COL4A2: variants seen among roughly 807,000 people sequenced by gnomAD.
COL4A2 encodes collagen type IV alpha 2 chain.
COL4A2 carries 99 observed loss-of-function variants against 200.2 expected under a neutral mutation model. The observed-to-expected ratio is 0.49, with a 90% CI of 0.42 to 0.58. COL4A2 has a LOEUF of 0.58. Ranked by LOEUF, COL4A2 falls within the 20% of genes least tolerant of loss-of-function variation. The pLI is 0.00. For synonymous variants in COL4A2, 897 were observed against 900.6 expected, an observed-to-expected ratio of 1.00 and a Z score of 0.07; for missense variants, 1,950 against 2,314.1, an observed-to-expected ratio of 0.84 and a Z score of 3.23.
chr13:110,462,409 C>T, intron 24 of COL4A2, 25 bp downstream of exon 24: 3 of 1,607,602 alleles, frequency 1.9e-6, no homozygotes, highest in Non-Finnish European at 1.7e-6. Context: ...ACTGCGGCAG[C>T]TCCGTCCTCT....
intron 15 of COL4A2, among the ~76,000 whole-genome samples, chr13:110,439,295 A>G (rs532426781): frequency 2.0e-5 from 3 of 152,358 alleles, no homozygotes; most frequent in Admixed American, 2.0e-4. Context: ...CGTATTTTAC[A>G]TTCTCCAAAA....
rs1594170384 is a variant in COL4A2, at chr13:110,363,180, A to C, written c.180+5628A>C. On this transcript the variant is annotated intron_variant, in intron 4 of 47. Coordinates refer to ENST00000360467, the MANE Select transcript of COL4A2 (RefSeq NM_001846.4). ...ACGAGTGAGTGGAGGCCTCTGCATC[A>C]CTCAGCATGCATCCAGGCGGTACCC... Among the ~76,000 whole-genome samples, 3 of 152,142 alleles carry C rather than the reference A, an allele frequency of 2.0e-5. No individual in the cohort carries two copies. In the South Asian group the frequency reaches 6.2e-4, roughly 32 times the overall value.
chr13:110,483,744 T>G, intron 32 of COL4A2, among the ~76,000 whole-genome samples: 1 of 142,988 alleles, frequency 7.0e-6, no homozygotes, highest in East Asian at 1.9e-4. Context: ...ATTCGCAGTT[T>G]CCTAAAGCTG....
chr13:110,342,598 A>G (rs1217238003), intron 3 of COL4A2, among the ~76,000 whole-genome samples: 1 of 152,116 alleles, frequency 6.6e-6, no homozygotes, highest in Non-Finnish European at 1.5e-5. Flanking sequence ...CTTTCATCCT[A>G]ACGGCAACCC....
At chr13:110,497,066 G>A (rs1438989939) in intron 40 of COL4A2, among the ~76,000 whole-genome samples, 4 of 149,538 alleles carry the variant, frequency 2.7e-5, no homozygotes, top group African/African-American at 7.4e-5. Flanking sequence ...CCACTGAGGA[G>A]TGAGAATCTA....
At chr13:110,453,172 G>A (rs1881607098) in intron 20 of COL4A2, among the ~76,000 whole-genome samples, 1 of 152,126 alleles carries the variant, frequency 6.6e-6, no homozygotes, top group African/African-American at 2.4e-5. Flanking sequence ...TTCTGGAGCA[G>A]AACATGACAT....
chr13:110,457,495 TA>T, intron 21 of COL4A2, 60 bp downstream of exon 21: 1 of 996,664 alleles, frequency 1.0e-6, no homozygotes, highest in Non-Finnish European at 1.6e-6. Flanking sequence ...TCCCTCACCT[TA>T]CAGAAGGTGA....
In COL4A2 at chr13:110,432,416, G is replaced by A. The variant is rs1880717262; in HGVS notation, c.684+56G>A. The A allele has an allele frequency of 5.8e-6, 9 of 1,541,312 alleles. No individual in the cohort carries two copies. The South Asian group carries it at 1.2e-4, about 20-fold the overall frequency. On this transcript the variant is annotated intron_variant, in intron 11 of 47. Transcript: ENST00000360467. The stretch of plus-strand genomic sequence containing the variant: ...GAAGGGGGTACTTAGGTGTTTGTGG[G>A]TTTGTTTGTTTTTTACCATAAAACT...
rs1430488284 is a variant in COL4A2, at chr13:110,493,259, C to T, written c.3611C>T (p.Thr1204Ile). 3.1e-6 allele frequency: 5 copies of T among 1,614,150 alleles called. No homozygotes were observed. The highest frequency in any genetic ancestry group is 4.2e-6 in the Non-Finnish European group (5 of 1,180,024). ...CGCGGCTTACACGGCTTGCCAGGCACCAAGGGCTTTCCAGGATCCCCAGGT... is the reference window on the plus strand; with the variant it reads ...CGCGGCTTACACGGCTTGCCAGGCATCAAGGGCTTTCCAGGATCCCCAGGT... ...GIRGLHGLPG[T>I]KGFPGSPGSD... The change falls in exon 39 of 48, where the codon ACC becomes ATC. Residue 1204 changes from threonine to isoleucine, a missense_variant. Coordinates refer to ENST00000360467, the MANE Select transcript of COL4A2 (RefSeq NM_001846.4).
At chr13:110,493,063 GATGAGTGACACCCCCATGGGTGAA>G in intron 38 of COL4A2, 124 bp from the exon 39 acceptor site, 8 of 501,450 alleles carry the variant, frequency 1.6e-5, no homozygotes, top group South Asian at 5.8e-5. Context: ...GTGAAATAAC[GATGAGTGACACCCCCATGGGTGAA>G]ATAACGATGA....
intron 21 of COL4A2, chr13:110,458,211 C>A: frequency 4.5e-6 from 2 of 447,518 alleles, no homozygotes; most frequent in South Asian, 1.7e-5. Flanking sequence ...CCCCACTGGG[C>A]ATCCTCTGTG....
intron 4 of COL4A2, among the ~76,000 whole-genome samples, chr13:110,384,391 G>A (rs1878603178): frequency 6.6e-6 from 1 of 152,144 alleles, no homozygotes; most frequent in South Asian, 2.1e-4. Flanking sequence ...CTATGATTCG[G>A]TGTGAAGCAT....
Position 110,347,578 on chromosome 13 carries a change from C to T in COL4A2, c.100-9894C>T, listed in dbSNP as rs527358124. ...CTGCCATCCCTCCACTGTCATTCAG[C>T]CTGCTTTAAATGTCTCAGGATGACT... On this transcript the variant is annotated intron_variant, in intron 3 of 47. Coordinates refer to ENST00000360467, the MANE Select transcript of COL4A2 (RefSeq NM_001846.4). Among the ~76,000 whole-genome samples the T allele has an allele frequency of 2.6e-5, 4 of 152,342 alleles. No individual in the cohort carries two copies. In the South Asian group the frequency reaches 8.3e-4, roughly 32 times the overall value.
chr13:110,311,981 C>A (rs565923113), intron 3 of COL4A2, among the ~76,000 whole-genome samples: 79 of 152,360 alleles, frequency 5.2e-4, no homozygotes, highest in African/African-American at 1.8e-3. Flanking sequence ...GGTGGCAAGT[C>A]CTTTCCGCAG....
intron 14 of COL4A2, 173 bp from the exon 15 acceptor site, chr13:110,438,445 C>T (rs1880983530): frequency 8.3e-6 from 7 of 843,712 alleles, no homozygotes; most frequent in Non-Finnish European, 1.4e-5. Flanking sequence ...GGAAGGCTGG[C>T]GGGTCTCCTA....
At chr13:110,415,735 G>A (rs896032678) in intron 4 of COL4A2, among the ~76,000 whole-genome samples, 3 of 152,230 alleles carry the variant, frequency 2.0e-5, no homozygotes, top group African/African-American at 7.2e-5. Context: ...CTGGAAGACA[G>A]GCGGCCTGCT....
At chr13:110,438,536 G>A in intron 14 of COL4A2, 82 bp from the exon 15 acceptor site, 1 of 1,546,360 alleles carries the variant, frequency 6.5e-7, no homozygotes, top group Non-Finnish European at 8.9e-7. Context: ...CAGAGTCCTG[G>A]AGCAGAGGAT....
intron 22 of COL4A2, chr13:110,459,186 C>A: frequency 2.6e-6 from 1 of 379,700 alleles, no homozygotes; most frequent in South Asian, 7.6e-5. Context: ...AATAGGGGGT[C>A]ACCACGTGAC....
At chr13:110,478,520 AGGGAAACCTGG>A (rs1882779282) in intron 30 of COL4A2, among the ~76,000 whole-genome samples, 1 of 152,210 alleles carries the variant, frequency 6.6e-6, no homozygotes, top group Admixed American at 6.5e-5. Flanking sequence ...TGGCTCCGTC[AGGGAAACCTGG>A]GGTAGATGGG....
Sources: allele counts gnomAD v4.1 joint callset (sites outside exome capture counted in the v4.1 genomes callset), GRCh38; gene constraint gnomAD v4.1.1; transcripts MANE v1.5; gene names NCBI Gene and HGNC (gene_info 2026-07-23, HGNC 2026-07-21).